The following ADAM32 variants were observed in gnomAD, a reference collection of about 807,000 sequenced individuals.
The protein encoded by ADAM32 is disintegrin and metalloproteinase domain-containing protein 32.
A neutral mutation model predicts 114.9 loss-of-function variants in ADAM32; 89 were observed. The ratio of observed to expected loss-of-function variants is 0.77; its 90% CI spans 0.65 to 0.92. The LOEUF (loss-of-function observed/expected upper bound fraction) is 0.92. Ranked by LOEUF, ADAM32 falls within the 40% of genes least tolerant of loss-of-function variation. ADAM32 has a pLI of 0.00. For missense variants in ADAM32, 870 were observed against 932.8 expected (o/e 0.93, Z 0.88); for synonymous variants, 285 against 307.5 (o/e 0.93, Z 0.77).
chr8:39,149,978 T>C, intron 5 of ADAM32, 111 bp downstream of exon 5: 1 of 659,932 alleles, frequency 1.5e-6, no homozygotes, highest in Non-Finnish European at 2.5e-6. Flanking sequence ...ATGTGGAGAT[T>C]ATTTAATGAT....
chr8:39,173,909 C>G (rs1026311933), intron 10 of ADAM32, among the ~76,000 whole-genome samples: 12 of 152,282 alleles, frequency 7.9e-5, no homozygotes, highest in African/African-American at 2.6e-4. Flanking sequence ...ACTGCAACCT[C>G]TGCCTCCAAG....
intron 11 of ADAM32, among the ~76,000 whole-genome samples, chr8:39,207,131 G>A (rs979316771): frequency 5.3e-5 from 8 of 152,134 alleles, no homozygotes; most frequent in African/African-American, 1.7e-4. Flanking sequence ...CTGGATTTGA[G>A]CTTATTATGG....
chr8:39,114,751 T>G lies in ADAM32; in HGVS notation c.59-3335T>G, dbSNP rs139633892. Among the ~76,000 whole-genome samples, 440 of 152,352 alleles carry G rather than the reference T, an allele frequency of 2.9e-3. 4 individuals are homozygous for G. Among genetic ancestry groups the G allele is most frequent in the African/African-American group, 9.8e-3 (409 of 41,584 alleles). On this transcript the variant is annotated intron_variant, in intron 1 of 24. Coordinates refer to ENST00000379907, the MANE Select transcript of ADAM32 (RefSeq NM_145004.7). ...CTTTAATTTTAGGTTTGGAGGTACA[T>G]GTGCAGGTTTGTTACATGGGTAAAT...
chr8:39,111,312 T>G (rs1392347771), intron 1 of ADAM32, among the ~76,000 whole-genome samples: 1 of 152,224 alleles, frequency 6.6e-6, no homozygotes, highest in Non-Finnish European at 1.5e-5. Flanking sequence ...TCTTCTGGAC[T>G]TTGTTATCCC....
chr8:39,222,956 T>G, intron 13 of ADAM32, 84 bp from the exon 14 acceptor site: 1 of 1,199,046 alleles, frequency 8.3e-7, no homozygotes, highest in South Asian at 1.6e-5. Flanking sequence ...AAAGCGAAAA[T>G]GATTAACACA....
chr8:39,108,792 A>G (rs1260553105), intron 1 of ADAM32, among the ~76,000 whole-genome samples: 2 of 152,210 alleles, frequency 1.3e-5, no homozygotes, highest in Non-Finnish European at 2.9e-5. Flanking sequence ...AGGTGTGGTC[A>G]AGGCCAGGGT....
intron 2 of ADAM32, among the ~76,000 whole-genome samples, chr8:39,124,443 A>C (rs1345411079): frequency 7.0e-6 from 1 of 142,860 alleles, no homozygotes; most frequent in Non-Finnish European, 1.5e-5. Context: ...TTTGAGACGG[A>C]GTCTTGCTCT....
intron 19 of ADAM32, 49 bp downstream of exon 19, chr8:39,257,392 T>C (rs766257814): frequency 1.5e-5 from 24 of 1,593,500 alleles, no homozygotes; most frequent in South Asian, 6.8e-5. Flanking sequence ...CATTTGAATC[T>C]AGTTATATGT....
chr8:39,180,706 T>C (rs1805814440), intron 10 of ADAM32, among the ~76,000 whole-genome samples: 1 of 152,062 alleles, frequency 6.6e-6, no homozygotes, highest in South Asian at 2.1e-4. Context: ...GCACCCTGTG[T>C]CTAGCTCAGG....
intron 11 of ADAM32, among the ~76,000 whole-genome samples, chr8:39,206,189 T>G (rs1807821780): frequency 6.6e-6 from 1 of 152,192 alleles, no homozygotes; most frequent in Non-Finnish European, 1.5e-5. Context: ...TAGCTTGGTC[T>G]GTGTTTGTTA....
chr8:39,220,398 C>G (rs1238908590), intron 12 of ADAM32, among the ~76,000 whole-genome samples: 4 of 151,954 alleles, frequency 2.6e-5, no homozygotes. Context: ...TCAACTTGCA[C>G]TTAGAGTCTC....
chr8:39,283,736 T>G (rs990425867), intron 24 of ADAM32, 112 bp downstream of exon 24: 1 of 689,668 alleles, frequency 1.4e-6, no homozygotes, highest in Admixed American at 3.4e-5. Context: ...ATTGGTAAAG[T>G]ACTGCACCAA....
chr8:39,126,651 A>G (rs35779397), intron 2 of ADAM32, among the ~76,000 whole-genome samples: 65,129 of 151,972 alleles, frequency 0.43, 14,150 homozygotes, highest in East Asian at 0.59. Context: ...TTCCTATTTG[A>G]ACATCCTTTA....
At chr8:39,221,763 A>G in intron 13 of ADAM32, 61 bp downstream of exon 13, 1 of 1,187,682 alleles carries the variant, frequency 8.4e-7, no homozygotes, top group Non-Finnish European at 1.2e-6. Context: ...AGGGTACTTT[A>G]CAACACAGAC....
chr8:39,132,043 A>G (rs754764812), intron 2 of ADAM32: 15 of 271,388 alleles, frequency 5.5e-5, no homozygotes, highest in Non-Finnish European at 1.0e-4. Context: ...ACAGGCATGC[A>G]CCACCACGCC....
intron 1 of ADAM32, among the ~76,000 whole-genome samples, chr8:39,110,000 C>CT (rs36004067): frequency 0.37 from 56,561 of 151,230 alleles, 11,631 homozygotes; most frequent in South Asian, 0.51. Context: ...TTTGGATGGA[C>CT]TTTTTTTTTA....
At position 39,164,796 on chromosome 8, in the gene ADAM32, A is replaced by T. The variant is rs1199822253; in HGVS notation, c.627A>T (p.Val209=). Residue 209 remains valine, a synonymous_variant, in exon 8 of 25, where the codon GTA becomes GTT. Transcript: ENST00000379907. The part of the protein sequence containing the change: ...YDYWGSDSMI[V]TNKVIEIVGL... ...ACTGGGGCTCTGATAGCATGATAGT[A>T]ACAAATAAAGTCATCGAAATTGTTG... The T allele has an allele frequency of 6.2e-7, 1 of 1,607,620 alleles. No homozygotes were observed. The highest frequency in any genetic ancestry group is 1.7e-5 in the Admixed American group (1 of 59,338).
chr8:39,239,500 A>T (rs77775716), intron 16 of ADAM32, among the ~76,000 whole-genome samples: 8,172 of 152,234 alleles, frequency 0.054, 752 homozygotes, highest in African/African-American at 0.19. Context: ...GTCTCTAAAA[A>T]CAACAACACA....
At chr8:39,194,625 A>C (rs755643099) in intron 11 of ADAM32, among the ~76,000 whole-genome samples, 5 of 152,076 alleles carry the variant, frequency 3.3e-5, no homozygotes, top group Non-Finnish European at 5.9e-5. Flanking sequence ...GCTATGATGC[A>C]GGTCCCTAGG....
Sources: allele counts gnomAD v4.1 joint callset (sites outside exome capture counted in the v4.1 genomes callset), GRCh38; gene constraint gnomAD v4.1.1; transcripts MANE v1.5; gene names NCBI Gene and HGNC (gene_info 2026-07-23, HGNC 2026-07-21).